The following GRIK2 variants were observed in gnomAD, a reference collection of about 807,000 sequenced individuals.
GRIK2 encodes the protein glutamate receptor ionotropic, kainate 2.
GRIK2 carries 32 observed loss-of-function variants against 100.3 expected under a neutral mutation model. That is an observed-to-expected ratio of 0.32 (90% CI 0.24 to 0.43). GRIK2 has a LOEUF of 0.43. Among genes scored for constraint, GRIK2 ranks in the 20% least tolerant of loss-of-function variants. The pLI is 1.00. For missense variants in GRIK2, 843 were observed against 1,114.9 expected (o/e 0.76, Z 3.47); for synonymous variants, 417 against 389.4 (o/e 1.07, Z -0.83).
chr6:101,702,948 G>A (rs569169452), intron 7 of GRIK2, among the ~76,000 whole-genome samples: 95 of 151,850 alleles, frequency 6.3e-4, no homozygotes, highest in African/African-American at 1.7e-3. Context: ...GAAAAATCAA[G>A]GGTATCCTTT....
intron 15 of GRIK2, among the ~76,000 whole-genome samples, chr6:102,041,421 T>C (rs930812749): frequency 2.5e-4 from 38 of 151,558 alleles, no homozygotes; most frequent in African/African-American, 8.5e-4. Flanking sequence ...TTAGCAGAGG[T>C]GGGTAAGATC....
chr6:101,909,415 A>G (rs1788502260), intron 12 of GRIK2, among the ~76,000 whole-genome samples: 1 of 104,296 alleles, frequency 9.6e-6, no homozygotes, highest in Non-Finnish European at 1.8e-5. Context: ...TTTGGGATTT[A>G]GGGAAAAAAG....
intron 7 of GRIK2, among the ~76,000 whole-genome samples, chr6:101,694,729 A>T (rs1454479907): frequency 6.6e-6 from 1 of 152,042 alleles, no homozygotes; most frequent in East Asian, 1.9e-4. Flanking sequence ...GGGTAAAAAT[A>T]CACCAAACTA....
At chr6:101,685,968 A>G (rs1374608438) in intron 6 of GRIK2, among the ~76,000 whole-genome samples, 1 of 152,108 alleles carries the variant, frequency 6.6e-6, no homozygotes, top group African/African-American at 2.4e-5. Context: ...AATAAAATAT[A>G]TACATAGATT....
intron 7 of GRIK2, among the ~76,000 whole-genome samples, chr6:101,796,041 A>T (rs921281054): frequency 2.6e-5 from 4 of 152,174 alleles, no homozygotes; most frequent in African/African-American, 7.2e-5. Context: ...TAACTACAAA[A>T]CCACCTTCAC....
intron 10 of GRIK2, among the ~76,000 whole-genome samples, chr6:101,821,430 T>A (rs1781942971): frequency 1.3e-5 from 2 of 152,152 alleles, no homozygotes; most frequent in South Asian, 2.1e-4. Flanking sequence ...TTGATTTTTT[T>A]AATTTTCACA....
intron 12 of GRIK2, among the ~76,000 whole-genome samples, chr6:101,909,728 A>G (rs1788535625): frequency 1.3e-5 from 2 of 151,002 alleles, no homozygotes; most frequent in Non-Finnish European, 3.0e-5. Flanking sequence ...GTGTTTCTGT[A>G]TATCTGTGTA....
At chr6:101,996,695 C>G (rs1434690114) in intron 14 of GRIK2, among the ~76,000 whole-genome samples, 1 of 152,056 alleles carries the variant, frequency 6.6e-6, no homozygotes, top group African/African-American at 2.4e-5. Context: ...GTACTTTATT[C>G]AAGAAGCAGG....
intron 7 of GRIK2, among the ~76,000 whole-genome samples, chr6:101,721,363 T>C (rs1419488735): frequency 6.6e-6 from 1 of 151,928 alleles, no homozygotes; most frequent in African/African-American, 2.4e-5. Context: ...GAAACCAGAC[T>C]GGGCAACATA....
At chr6:101,913,440 A>C (rs1160762268) in intron 12 of GRIK2, among the ~76,000 whole-genome samples, 1 of 151,576 alleles carries the variant, frequency 6.6e-6, no homozygotes, top group Non-Finnish European at 1.5e-5. Context: ...CAATGAAACA[A>C]TAGTATTTTT....
At chr6:101,628,933 G>C (rs1780584482) in intron 4 of GRIK2, among the ~76,000 whole-genome samples, 1 of 151,998 alleles carries the variant, frequency 6.6e-6, no homozygotes, top group Non-Finnish European at 1.5e-5. Flanking sequence ...GCACATGTGT[G>C]GCATTTTTAT....
intron 2 of GRIK2, among the ~76,000 whole-genome samples, chr6:101,475,647 ACT>A (rs1037520645): frequency 4.6e-5 from 7 of 151,900 alleles, no homozygotes; most frequent in Non-Finnish European, 7.4e-5. Flanking sequence ...GTAAACTGCA[ACT>A]CTTTTTTCAT....
chr6:101,464,729 C>T (rs1261417514), intron 2 of GRIK2, among the ~76,000 whole-genome samples: 1 of 151,548 alleles, frequency 6.6e-6, no homozygotes. Flanking sequence ...ACCGTGTTAG[C>T]CAGGATGGCC....
chr6:102,029,169 G>C (rs545681763), intron 14 of GRIK2, among the ~76,000 whole-genome samples: 17 of 151,020 alleles, frequency 1.1e-4, no homozygotes, highest in Non-Finnish European at 1.9e-4. Context: ...AGTGGCCAGA[G>C]GACCTTCAAA....
intron 9 of GRIK2, among the ~76,000 whole-genome samples, chr6:101,814,806 G>C (rs1038508582): frequency 2.0e-4 from 30 of 152,094 alleles, no homozygotes; most frequent in African/African-American, 7.2e-4. Flanking sequence ...TGATCATTTT[G>C]TGTAGTCATT....
intron 7 of GRIK2, among the ~76,000 whole-genome samples, chr6:101,792,827 C>T (rs553619720): frequency 1.8e-4 from 27 of 152,244 alleles, no homozygotes; most frequent in Non-Finnish European, 2.8e-4. Context: ...CCATTCTCCC[C>T]GTCTCTTTCA....
chr6:101,770,488 A>G (rs1255691109), intron 7 of GRIK2, among the ~76,000 whole-genome samples: 1 of 152,192 alleles, frequency 6.6e-6, no homozygotes, highest in Non-Finnish European at 1.5e-5. Flanking sequence ...TTGTTGTTGT[A>G]ATGAAAGTCT....
chr6:101,407,613 T>C (rs1045219029), intron 2 of GRIK2, among the ~76,000 whole-genome samples: 6 of 152,066 alleles, frequency 3.9e-5, no homozygotes, highest in Non-Finnish European at 8.8e-5. Flanking sequence ...TTTTCCTTAA[T>C]GTGTAGCTCT....
At chr6:101,948,613 C>T (rs1024688953) in intron 14 of GRIK2, among the ~76,000 whole-genome samples, 3 of 150,080 alleles carry the variant, frequency 2.0e-5, no homozygotes, top group South Asian at 2.1e-4. Flanking sequence ...ATTTTTCAGA[C>T]CCAGAATAAA....
Sources: allele counts gnomAD v4.1 joint callset (sites outside exome capture counted in the v4.1 genomes callset), GRCh38; gene constraint gnomAD v4.1.1; transcripts MANE v1.5; gene names NCBI Gene and HGNC (gene_info 2026-07-23, HGNC 2026-07-21).